NAP1L1: variants seen among roughly 807,000 people sequenced by gnomAD.
NAP1L1 encodes nucleosome assembly protein 1 like 1, also known as nucleosome assembly protein 1-like 1.
NAP1L1 carries 9 observed loss-of-function variants against 58.9 expected under a neutral mutation model. That is an observed-to-expected ratio of 0.15 (90% CI 0.09 to 0.27). The LOEUF (loss-of-function observed/expected upper bound fraction) is 0.27. Ranked by LOEUF, NAP1L1 falls within the 10% of genes least tolerant of loss-of-function variation. The pLI is 1.00. For synonymous variants in NAP1L1, 130 were observed against 138.3 expected, an observed-to-expected ratio of 0.94 and a Z score of 0.42; for missense variants, 302 against 458.8, an observed-to-expected ratio of 0.66 and a Z score of 3.12.
intron 6 of NAP1L1, chr12:76,056,962 G>T: frequency 4.1e-6 from 1 of 241,428 alleles, no homozygotes; most frequent in Non-Finnish European, 8.4e-6. Context: ...AATAAGCCGA[G>T]ACTGCACTCC....
chr12:76,051,995 C>T (rs952948007), intron 11 of NAP1L1, among the ~76,000 whole-genome samples: 2 of 151,544 alleles, frequency 1.3e-5, no homozygotes, highest in Non-Finnish European at 2.9e-5. Flanking sequence ...GCCTGGATGA[C>T]AGAGCAATAC....
intron 1 of NAP1L1, among the ~76,000 whole-genome samples, chr12:76,076,581 T>TATATATATATATAC (rs1438893595): frequency 1.7e-5 from 1 of 57,812 alleles, no homozygotes; most frequent in Non-Finnish European, 4.0e-5. Context: ...TATATATATA[T>TATATATATATATAC]ATATATATAT....
At chr12:76,068,732 C>T in intron 3 of NAP1L1, 177 bp downstream of exon 3, 4 of 261,506 alleles carry the variant, frequency 1.5e-5, no homozygotes, top group Non-Finnish European at 1.9e-5. Flanking sequence ...CCTACCCGCC[C>T]CTTACACACA....
rs1948553755 is a variant in NAP1L1 at position 76,041,776 on chromosome 12, C to A, written c.*6653G>T. ...ATCCAAGTCTAAAATCACATCTGAT[C>A]TCAAGACAGACACCCATGTCACATC... On this transcript the variant is annotated 3_prime_UTR_variant, in exon 15 of 15. Coordinates refer to ENST00000618691, the MANE Select transcript of NAP1L1 (RefSeq NM_004537.7). The A allele has an allele frequency of 6.6e-6, 1 of 152,182 alleles. No individual in the cohort carries two copies. The highest frequency in any genetic ancestry group is 2.4e-5 in the African/African-American group (1 of 41,430). 9.4% of individuals were successfully genotyped at this position (152,182 alleles called of 1,614,324 possible).
intron 2 of NAP1L1, among the ~76,000 whole-genome samples, chr12:76,070,255 T>C (rs1318955772): frequency 6.6e-6 from 1 of 152,124 alleles, no homozygotes; most frequent in Non-Finnish European, 1.5e-5. Context: ...CCTGAATAGC[T>C]GGGACTACAG....
rs1948593577 is a variant in NAP1L1, at chr12:76,045,601, CCA to C, written c.*2826_*2827del. 6.6e-6 allele frequency: 1 copy of C among 152,006 alleles called. No individual in the cohort carries two copies. The highest frequency in any genetic ancestry group is 6.6e-5 in the Admixed American group (1 of 15,252). The allele number at this position is 152,006 out of a possible 1,614,324, so 9.4% of individuals were successfully genotyped here. ...TTAAGTACCACTCTACAAGCCAGTT[CCA>C]CACAATTAAGGTATTTTTGCAATCT... is the stretch of plus-strand genomic sequence containing the variant. On this transcript the variant is annotated 3_prime_UTR_variant, in exon 15 of 15. Transcript: ENST00000618691.
chr12:76,064,149 G>T (rs948830085), intron 4 of NAP1L1, among the ~76,000 whole-genome samples: 4 of 152,126 alleles, frequency 2.6e-5, no homozygotes, highest in African/African-American at 9.7e-5. Flanking sequence ...TGTCATAAAA[G>T]CTGGGGGTTA....
intron 4 of NAP1L1, among the ~76,000 whole-genome samples, chr12:76,064,417 A>T (rs1949566745): frequency 6.6e-6 from 1 of 152,188 alleles, no homozygotes; most frequent in Non-Finnish European, 1.5e-5. Flanking sequence ...CAGCATACAG[A>T]TCTTCACACT....
chr12:76,069,319 T>C (rs1949838855), intron 2 of NAP1L1, among the ~76,000 whole-genome samples: 1 of 152,212 alleles, frequency 6.6e-6, no homozygotes, highest in African/African-American at 2.4e-5. Flanking sequence ...TCCTTCTTAG[T>C]AACAACATTC....
At chr12:76,078,273 A>G (rs1307465050) in intron 1 of NAP1L1, among the ~76,000 whole-genome samples, 1 of 152,074 alleles carries the variant, frequency 6.6e-6, no homozygotes, top group Non-Finnish European at 1.5e-5. Flanking sequence ...AAAATGCTAT[A>G]TCCTCAAGAA....
chr12:76,056,221 C>A, intron 6 of NAP1L1, 60 bp from the exon 7 acceptor site: 1 of 1,538,086 alleles, frequency 6.5e-7, no homozygotes, highest in East Asian at 2.3e-5. Context: ...GATAAAGTAG[C>A]AAAGGTATAA....
intron 6 of NAP1L1, chr12:76,056,520 T>G: frequency 2.4e-6 from 1 of 422,220 alleles, no homozygotes; most frequent in Non-Finnish European, 4.7e-6. Context: ...AAACATTATA[T>G]TCTCTTTACC....
intron 4 of NAP1L1, among the ~76,000 whole-genome samples, chr12:76,065,702 G>A (rs1306779766): frequency 1.3e-5 from 2 of 152,066 alleles, no homozygotes; most frequent in African/African-American, 4.8e-5. Context: ...TGAATAATTA[G>A]AAGTATGTGG....
At chr12:76,061,196 TGAA>T (rs1949398189) in intron 4 of NAP1L1, 2 of 215,824 alleles carry the variant, frequency 9.3e-6, no homozygotes, top group Non-Finnish European at 2.0e-5. Flanking sequence ...GGGGTGTATG[TGAA>T]GGTTTGCTAT....
At chr12:76,077,507 CAG>C (rs1304554533) in intron 1 of NAP1L1, among the ~76,000 whole-genome samples, 1 of 152,270 alleles carries the variant, frequency 6.6e-6, no homozygotes, top group East Asian at 1.9e-4. Context: ...AGGTGGTTCT[CAG>C]GTAGACCACA....
chr12:76,041,332 G>C lies in NAP1L1; in HGVS notation c.*7097C>G, dbSNP rs1332223330. 6.6e-6 allele frequency: 1 copy of C among 152,138 alleles called. No homozygotes were observed. Among genetic ancestry groups the C allele is most frequent in the East Asian group, 1.9e-4 (1 of 5,192 alleles). 9.4% of individuals were successfully genotyped at this position (152,138 alleles called of 1,614,324 possible). ...TAAGCAAGTGTTTCTAGAGTATTTT[G>C]AACTGGTTCAAAACCAGTTCAGATT... On this transcript the variant is annotated 3_prime_UTR_variant, in exon 15 of 15. Transcript: ENST00000618691.
At chr12:76,083,606 C>CCTGA (rs1314167505) in intron 1 of NAP1L1, among the ~76,000 whole-genome samples, 2 of 152,038 alleles carry the variant, frequency 1.3e-5, no homozygotes, top group Non-Finnish European at 2.9e-5. Flanking sequence ...AATAAAAAAC[C>CCTGA]CTGATCAAGA....
chr12:76,053,449 G>C, intron 9 of NAP1L1, 99 bp from the exon 10 acceptor site: 1 of 1,356,386 alleles, frequency 7.4e-7, no homozygotes, highest in Non-Finnish European at 1.0e-6. Flanking sequence ...ATTTTAGAAG[G>C]GTGAATTGCT....
chr12:76,070,053 A>G (rs768533377), intron 2 of NAP1L1, among the ~76,000 whole-genome samples: 42 of 152,110 alleles, frequency 2.8e-4, no homozygotes, highest in Non-Finnish European at 4.9e-4. Flanking sequence ...ATGCAAGTAC[A>G]GAAAAAAATC....
Sources: gnomAD v4.1 joint callset for allele counts (sites outside exome capture counted in the v4.1 genomes callset) on GRCh38, gnomAD v4.1.1 for gene constraint, MANE v1.5 for transcripts, NCBI Gene and HGNC (gene_info 2026-07-23, HGNC 2026-07-21) for gene names.